ZC3HC1: variants seen among roughly 807,000 people sequenced by gnomAD.
ZC3HC1 encodes the protein zinc finger C3HC-type containing 1.
A neutral mutation model predicts 61.9 loss-of-function variants in ZC3HC1; 38 were observed. That is an observed-to-expected ratio of 0.61 (90% confidence interval 0.47 to 0.81). ZC3HC1 has a LOEUF of 0.81. ZC3HC1 is among the 30% of genes least tolerant of loss of function. The pLI is 0.00. For synonymous variants in ZC3HC1, 213 were observed against 229.9 expected (o/e 0.93, Z 0.67); for missense variants, 554 against 622.7 (o/e 0.89, Z 1.17).
chr7:130,036,543 C>T (rs911602002), intron 4 of ZC3HC1: 1 of 151,792 alleles, frequency 6.6e-6, no homozygotes, highest in Non-Finnish European at 1.5e-5. Flanking sequence ...GCCTGGGTGA[C>T]AGAGTGAGAC....
chr7:130,040,179 G>T (rs1563082807), intron 3 of ZC3HC1, among the ~76,000 whole-genome samples: 2 of 84,620 alleles, frequency 2.4e-5, no homozygotes, highest in Admixed American at 4.4e-4. Flanking sequence ...AGCTAGCTTA[G>T]TTTAAAAAAA....
intron 9 of ZC3HC1, among the ~76,000 whole-genome samples, 158 bp from the exon 10 acceptor site, chr7:130,018,890 C>T (rs952785051): frequency 2.0e-5 from 3 of 152,026 alleles, no homozygotes; most frequent in African/African-American, 4.8e-5. Context: ...GACTAAAGAT[C>T]GAGGGGCCAA....
At chr7:130,020,980 C>T (rs1793618845) in intron 9 of ZC3HC1, among the ~76,000 whole-genome samples, 1 of 152,120 alleles carries the variant, frequency 6.6e-6, no homozygotes, top group Admixed American at 6.5e-5. Context: ...TCACTGCAAC[C>T]TCCGCCTCCT....
chr7:130,019,147 G>A (rs537358108), intron 9 of ZC3HC1, among the ~76,000 whole-genome samples: 32 of 148,390 alleles, frequency 2.2e-4, no homozygotes, highest in African/African-American at 7.5e-4. Flanking sequence ...TCTGCCTCCC[G>A]GGTTCACGCC....
chr7:130,033,445 C>CTTT (rs3043729), intron 4 of ZC3HC1, among the ~76,000 whole-genome samples: 332 of 82,784 alleles, frequency 4.0e-3, no homozygotes, highest in African/African-American at 8.4e-3. Context: ...CTATAGCATT[C>CTTT]TTTTTTTTTT....
chr7:130,051,429 G>A, upstream of ZC3HC1: 1 of 1,601,478 alleles, frequency 6.2e-7, no homozygotes, highest in Admixed American at 1.8e-5. Flanking sequence ...CGTCCTGGGA[G>A]GTTAATATCC....
chr7:130,047,031 C>T (rs1042838874), intron 2 of ZC3HC1, among the ~76,000 whole-genome samples: 3 of 152,074 alleles, frequency 2.0e-5, no homozygotes, highest in Admixed American at 6.6e-5. Flanking sequence ...GGCATGATCT[C>T]GGCTCACTGC....
At chr7:130,019,675 T>A (rs1031592495) in intron 9 of ZC3HC1, among the ~76,000 whole-genome samples, 1 of 152,098 alleles carries the variant, frequency 6.6e-6, no homozygotes, top group African/African-American at 2.4e-5. Context: ...ATCAGAACAC[T>A]TGGTTCTGTC....
intron 2 of ZC3HC1, among the ~76,000 whole-genome samples, chr7:130,048,281 C>G (rs555004517): frequency 6.6e-6 from 1 of 151,450 alleles, no homozygotes; most frequent in Admixed American, 6.6e-5. Flanking sequence ...TCCTGAGTAG[C>G]TGGGATTACA....
chr7:130,028,089 C>A (rs111385309), intron 5 of ZC3HC1, among the ~76,000 whole-genome samples: 8 of 129,828 alleles, frequency 6.2e-5, no homozygotes, highest in African/African-American at 2.3e-4. Flanking sequence ...ATCGCTTGAA[C>A]CCAGGAGGCG....
chr7:130,026,913 T>C (rs34173553), intron 5 of ZC3HC1: 72,006 of 146,148 alleles, frequency 0.49, 18,825 homozygotes, highest in East Asian at 0.7. Flanking sequence ...GAGCTTGCAG[T>C]GAGCTGAGAT....
Position 130,049,128 on chromosome 7 carries a change from T to C in ZC3HC1, c.163A>G (p.Thr55Ala). The C allele has an allele frequency of 6.3e-7, 1 of 1,599,040 alleles. No individual in the cohort carries two copies. The highest frequency in any genetic ancestry group is 8.5e-7 in the Non-Finnish European group (1 of 1,173,464). ...GGVDAKDTSATSQSVNGSPQA... is the reference protein window; with the variant it reads ...GGVDAKDTSAASQSVNGSPQA... ...GGTGATCCATTAACTGACTGGGATG[T>C]GGCAGACGTGTCCTTCCTAATATAA... is the stretch of plus-strand genomic sequence containing the variant. Residue 55 changes from threonine (T) to alanine (A), a missense_variant, in exon 2 of 10, where the codon ACA becomes GCA. Physicochemically the swap from Thr to Ala is moderately conservative, Grantham distance 58. Transcript: ENST00000358303.
intron 1 of ZC3HC1, 49 bp downstream of exon 1, chr7:130,051,172 C>T: frequency 6.4e-7 from 1 of 1,563,348 alleles, no homozygotes; most frequent in East Asian, 2.3e-5. Flanking sequence ...CTTCCCCAAG[C>T]CTTCTTCAAT....
intron 2 of ZC3HC1, chr7:130,043,496 TTAAA>T (rs1794756999): frequency 1.3e-5 from 2 of 159,346 alleles, no homozygotes; most frequent in Non-Finnish European, 2.8e-5. Context: ...AAAGTAATGG[TTAAA>T]TAAATAATCA....
At position 130,041,113 on chromosome 7, in the gene ZC3HC1, A is replaced by G; in HGVS notation, c.259-12T>C. The G allele has an allele frequency of 6.2e-7, 1 of 1,608,734 alleles. No homozygotes were observed. The highest frequency in any genetic ancestry group is 1.3e-5 in the African/African-American group (1 of 74,542). ...GCCCATTTCAAAGAGTATCCATGTT[A>G]AGAAAAACAACACAGCAAATATATA... is the stretch of plus-strand genomic sequence containing the variant. On this transcript the variant is annotated splice_polypyrimidine_tract_variant and intron_variant, in intron 2 of 9. Transcript: ENST00000358303.
chr7:130,032,707 AAGGAAGGAAGGG>A (rs1451071654), intron 4 of ZC3HC1, among the ~76,000 whole-genome samples: 4 of 114,348 alleles, frequency 3.5e-5, no homozygotes, highest in African/African-American at 1.4e-4. Flanking sequence ...GGAAGGAAGG[AAGGAAGGAAGGG>A]AAGGAGGGAG....
rs1179626839 is a variant in ZC3HC1 at position 130,051,186 on chromosome 7, C to T, written c.146+35G>A. ...CCTTCCCCAAGCCTTCTTCAATCTT[C>T]CAACGCCGGACCCAGGGTTAACTCG... On this transcript the variant is annotated intron_variant, in intron 1 of 9. Transcript: ENST00000358303. 1.9e-6 allele frequency: 3 copies of T among 1,573,120 alleles called. No individual in the cohort carries two copies. In the African/African-American group the frequency reaches 4.1e-5, roughly 22 times the overall value.
Position 130,024,304 on chromosome 7 carries a change from T to G in ZC3HC1, c.979A>C (p.Thr327Pro). 6.2e-7 allele frequency: 1 copy of G among 1,613,638 alleles called. No individual in the cohort carries two copies. Among genetic ancestry groups the G allele is most frequent in the Non-Finnish European group, 8.5e-7 (1 of 1,179,700 alleles). Residue 327 changes from threonine (T) to proline (P), a missense_variant, in exon 7 of 10, where the codon ACC becomes CCC. By Grantham distance (38) the Thr-to-Pro change is conservative. Transcript: ENST00000358303. The stretch of plus-strand genomic sequence containing the variant: ...GAGAAAGTGGCATCCTGGCTCCGGG[T>G]CATCATCCTCCGAGGAGATTCAGGC... ...LVPESPRRMMTRSQDATFSPG... is the reference protein window; with the variant it reads ...LVPESPRRMMPRSQDATFSPG...
intron 2 of ZC3HC1, 119 bp from the exon 3 acceptor site, chr7:130,041,220 C>T (rs1363249797): frequency 2.6e-6 from 3 of 1,173,198 alleles, no homozygotes; most frequent in Non-Finnish European, 3.5e-6. Flanking sequence ...AAAGTTCTCA[C>T]TCTGTCTCCC....
Sources: allele counts gnomAD v4.1 joint callset (sites outside exome capture counted in the v4.1 genomes callset), GRCh38; gene constraint gnomAD v4.1.1; transcripts MANE v1.5; gene names NCBI Gene and HGNC (gene_info 2026-07-23, HGNC 2026-07-21).